PRR29: variants seen among roughly 807,000 people sequenced by gnomAD.
The protein encoded by PRR29 is proline-rich protein 29.
In PRR29, 20 loss-of-function variants were observed where a neutral mutation model predicts 25.1. That is an observed-to-expected ratio of 0.80 (90% CI 0.56 to 1.16). The LOEUF (loss-of-function observed/expected upper bound fraction) is 1.16, where lower values mean the gene tolerates loss of function less well. PRR29 is among the 50% of genes most tolerant of loss of function. The pLI is 0.00. For missense variants in PRR29, 238 were observed against 246.6 expected, an observed-to-expected ratio of 0.97 and a Z score of 0.23; for synonymous variants, 108 against 102.6, an observed-to-expected ratio of 1.05 and a Z score of -0.32.
rs1485772521 is a variant in PRR29, at chr17:64,002,723, T to C, written c.*962T>C. On this transcript the variant is annotated 3_prime_UTR_variant, in exon 6 of 6. Transcript: ENST00000412177. ...CACTGAGTTCCAGTGACCACCGTGG[T>C]GGTGGCCATGCCACTCATGGTTGCT... 1 of 1,602,238 alleles carries C rather than the reference T, an allele frequency of 6.2e-7. No individual in the cohort carries two copies.
At chr17:64,001,342 C>T (rs774313147) in intron 4 of PRR29, 32 bp downstream of exon 4, 56 of 1,524,688 alleles carry the variant, frequency 3.7e-5, no homozygotes, top group African/African-American at 2.2e-4. Context: ...CAGGGTTCTG[C>T]TCTGGGCTGG....
At chr17:63,998,463 G>C (rs1249049263) in intron 1 of PRR29, 39 bp downstream of exon 1, 1 of 1,453,008 alleles carries the variant, frequency 6.9e-7, no homozygotes, top group African/African-American at 1.4e-5. Context: ...GCCTTAGCTT[G>C]GGAGACGGCA....
rs1339686776 is a variant in PRR29, at chr17:63,998,390, G to A, written c.26G>A (p.Trp9Ter). 1 of 1,521,164 alleles carries A rather than the reference G, an allele frequency of 6.6e-7. No individual in the cohort carries two copies. The allele number at this position is 1,521,164 out of a possible 1,614,324, so 94.2% of individuals were successfully genotyped here. The change falls in exon 1 of 6, where the codon TGG becomes TAG. Residue 9 changes from tryptophan to a stop codon, truncating the protein, a stop_gained. Transcript: ENST00000412177. LOFTEE classifies it high-confidence loss of function. MASGAGGS[W>*]GRSPPQSAVP... ...ATGGCCTCTGGGGCGGGCGGAAGCT[G>A]GGGTCGCTCCCCACCGCAGAGCGCA...
rs763674802 is a variant in PRR29 at position 64,001,489 on chromosome 17, C to A, written c.493C>A (p.Pro165Thr). The change falls in exon 5 of 6, where the codon CCC becomes ACC. Residue 165 changes from proline (P) to threonine (T), a missense_variant. Coordinates refer to ENST00000412177, the MANE Select transcript of PRR29 (RefSeq NM_001164257.2). ...REVRAVPPPP[P>T]PSATGTVGAD... ...CAGGAGAGCTGTGCCCCCACCCCCA[C>A]CCCCCAGTGCCACAGGGACTGTGGG... 2.0e-6 allele frequency: 3 copies of A among 1,478,390 alleles called. No homozygotes were observed. The highest frequency in any genetic ancestry group is 1.4e-5 in the African/African-American group (1 of 70,724). 91.6% of individuals were successfully genotyped at this position (1,478,390 alleles called of 1,614,324 possible).
Position 64,001,504 on chromosome 17 carries a change from G to A in PRR29, c.508G>A (p.Gly170Arg). 1 of 1,513,208 alleles carries A rather than the reference G, an allele frequency of 6.6e-7. No individual in the cohort carries two copies. The highest frequency in any genetic ancestry group is 8.8e-7 in the Non-Finnish European group (1 of 1,136,522). The allele number at this position is 1,513,208 out of a possible 1,614,324, so 93.7% of individuals were successfully genotyped here. A position where few individuals can be genotyped will look rare whatever the true frequency, so the allele number is the denominator to read the frequency against. ...CCCACCCCCACCCCCCAGTGCCACA[G>A]GGACTGTGGGTGCTGATGTACCCCC... ...VPPPPPPSAT[G>R]TVGADVPPAS... The change falls in exon 5 of 6, where the codon GGG becomes AGG. Residue 170 changes from glycine (G) to arginine (R), a missense_variant. Physicochemically the swap from Gly to Arg is moderately radical, Grantham distance 125. Transcript: ENST00000412177.
At position 64,001,188 on chromosome 17, in the gene PRR29, G is replaced by A; in HGVS notation, c.348G>A (p.Leu116=). The change falls in exon 4 of 6, where the codon TTG becomes TTA. Residue 116 remains leucine, a synonymous_variant. Coordinates refer to ENST00000412177, the MANE Select transcript of PRR29 (RefSeq NM_001164257.2). ...LVFHHHYLPY[L]MPSPGALLPW... ...TTCACCACCACTACTTGCCCTATTT[G>A]ATGCCCTCCCCGGGTGCCCTGCTGC... 1 of 1,537,452 alleles carries A rather than the reference G, an allele frequency of 6.5e-7. No individual in the cohort carries two copies. Among genetic ancestry groups the A allele is most frequent in the Non-Finnish European group, 8.7e-7 (1 of 1,146,968 alleles).
At position 63,998,801 on chromosome 17, in the gene PRR29, C is replaced by T. The variant is rs1415716464; in HGVS notation, c.136+19C>T. On this transcript the variant is annotated intron_variant, in intron 2 of 5. Coordinates refer to ENST00000412177, the MANE Select transcript of PRR29 (RefSeq NM_001164257.2). ...AAGGAAGGTGAGACTCCCGGGTCCC[C>T]CCACCCCACCCCCACCATCACCACC... 59 of 1,178,976 alleles carry T rather than the reference C, an allele frequency of 5.0e-5. No individual in the cohort carries two copies. Among genetic ancestry groups the T allele is most frequent in the Non-Finnish European group, 6.9e-5 (57 of 822,514 alleles). The allele number at this position is 1,178,976 out of a possible 1,614,324, so 73.0% of individuals were successfully genotyped here. A position where few individuals can be genotyped will look rare whatever the true frequency, so the allele number is the denominator to read the frequency against.
Position 64,002,487 on chromosome 17 carries a change from C to T in PRR29, c.*726C>T, listed in dbSNP as rs187222604. The stretch of plus-strand genomic sequence containing the variant: ...GCCTGTTGCATGGGCTGGGAGGCCC[C>T]TGTGAAGGAGAGGGTGGGGAGGGAG... On this transcript the variant is annotated 3_prime_UTR_variant, in exon 6 of 6. Transcript: ENST00000412177. The T allele has an allele frequency of 5.8e-4, 299 of 516,220 alleles. 2 individuals are homozygous for T. The East Asian group carries it at 8.7e-3, about 15-fold the overall frequency. The allele number at this position is 516,220 out of a possible 1,614,324, so 32.0% of individuals were successfully genotyped here. A position where few individuals can be genotyped will look rare whatever the true frequency, so the allele number is the denominator to read the frequency against.
intron 3 of PRR29, chr17:63,999,406 A>C (rs1042687011): frequency 2.4e-6 from 1 of 416,146 alleles, no homozygotes; most frequent in Non-Finnish European, 4.4e-6. Flanking sequence ...GGTGCCTGAC[A>C]CCGTGTAGGG....
Position 63,998,797 on chromosome 17 carries a change from T to TGCCCCCCCCC in PRR29, c.136+15_136+16insGCCCCCCCCC. On this transcript the variant is annotated intron_variant, in intron 2 of 5. Coordinates refer to ENST00000412177, the MANE Select transcript of PRR29 (RefSeq NM_001164257.2). ...CGTGAAGGAAGGTGAGACTCCCGGGTCCCCCCACCCCACCCCCACCATCAC... is the reference window on the plus strand; with the variant it reads ...CGTGAAGGAAGGTGAGACTCCCGGGTGCCCCCCCCCCCCCCCACCCCACCCCCACCATCAC... 16 of 1,062,588 alleles carry TGCCCCCCCCC rather than the reference T, an allele frequency of 1.5e-5. No homozygotes were observed. The highest frequency in any genetic ancestry group is 1.8e-5 in the Non-Finnish European group (14 of 761,688). 65.8% of individuals were successfully genotyped at this position (1,062,588 alleles called of 1,614,324 possible). A position where few individuals can be genotyped will look rare whatever the true frequency, so the allele number is the denominator to read the frequency against.
chr17:64,001,666 C>G, intron 5 of PRR29, 67 bp from the exon 6 acceptor site: 1 of 1,526,298 alleles, frequency 6.6e-7, no homozygotes, highest in Non-Finnish European at 8.8e-7. Flanking sequence ...GGCCTGTCCC[C>G]TTCCCTTTAC....
Position 63,999,881 on chromosome 17 carries a change from T to C in PRR29, c.243+807T>C, listed in dbSNP as rs145057900. 4.1e-3 allele frequency: 635 copies of C among 153,866 alleles called. 1 individual carries two copies. Among genetic ancestry groups the C allele is most frequent in the Non-Finnish European group, 6.2e-3 (433 of 69,324 alleles). The allele number at this position is 153,866 out of a possible 1,614,324, so 9.5% of individuals were successfully genotyped here. On this transcript the variant is annotated intron_variant, in intron 3 of 5. Transcript: ENST00000412177. ...AAGTGTGTGCGTGCAAGCAAGTGTG[T>C]GCGTGCAAGCAAGTGTGTGCAAGTG...
chr17:64,000,990 C>A, intron 3 of PRR29, 94 bp from the exon 4 acceptor site: 2 of 1,089,362 alleles, frequency 1.8e-6, no homozygotes, highest in South Asian at 1.4e-5. Flanking sequence ...CAAAGCCTAT[C>A]TGGAGGAAAT....
chr17:64,003,561 C>A lies in PRR29; in HGVS notation c.*1800C>A. 7.7e-7 allele frequency: 1 copy of A among 1,306,494 alleles called. No homozygotes were observed. The highest frequency in any genetic ancestry group is 1.1e-6 in the Non-Finnish European group (1 of 926,810). The allele number at this position is 1,306,494 out of a possible 1,614,324, so 80.9% of individuals were successfully genotyped here. ...GGTGGGCTCCTGGGTGTTTGCTTCC[C>A]AAGTGGGACTCAAGATTTTTCTTCC... On this transcript the variant is annotated 3_prime_UTR_variant, in exon 6 of 6. Transcript: ENST00000412177.
chr17:64,001,359 C>T (rs1175690172), intron 4 of PRR29, 49 bp downstream of exon 4: 1 of 1,512,566 alleles, frequency 6.6e-7, no homozygotes, highest in African/African-American at 1.4e-5. Context: ...CTGGAAGTTG[C>T]AGAAGAGCTG....
At position 64,001,248 on chromosome 17, in the gene PRR29, T is replaced by C; in HGVS notation, c.408T>C (p.Cys136=). ...WPAPFFPTPA[C]QPYLQDVPRI... is the part of the protein sequence containing the mutation. ...CCCCCTTCTTCCCCACCCCTGCTTG[T>C]CAGCCCTACTTGCAGGACGTGCCCA... Residue 136 remains cysteine, a synonymous_variant, in exon 4 of 6, where the codon TGT becomes TGC. Transcript: ENST00000412177. 6.5e-7 allele frequency: 1 copy of C among 1,537,290 alleles called. No individual in the cohort carries two copies. The highest frequency in any genetic ancestry group is 2.4e-5 in the East Asian group (1 of 40,910).
rs1911036675 is a variant in PRR29 at position 64,004,129 on chromosome 17, G to C, written c.*2368G>C. On this transcript the variant is annotated 3_prime_UTR_variant, in exon 6 of 6. Coordinates refer to ENST00000412177, the MANE Select transcript of PRR29 (RefSeq NM_001164257.2). ...GAAGAGGGCAGCAGTTGAGGATGGA[G>C]GCTGGACTGTGTGGTAGTTTTACAG... 8.3e-6 allele frequency: 5 copies of C among 599,246 alleles called. No individual in the cohort carries two copies. The East Asian group carries it at 1.1e-4, about 13-fold the overall frequency. 37.1% of individuals were successfully genotyped at this position (599,246 alleles called of 1,614,324 possible). A position where few individuals can be genotyped will look rare whatever the true frequency, so the allele number is the denominator to read the frequency against.
chr17:63,999,909 GGTGTGTGCAAGCGTGT>G (rs1910511109), intron 3 of PRR29: 1 of 153,080 alleles, frequency 6.5e-6, no homozygotes, highest in Non-Finnish European at 1.5e-5. Flanking sequence ...TGCAAGTGGG[GGTGTGTGCAAGCGTGT>G]GTGTGCATGC....
In PRR29 at chr17:64,003,014, AC is replaced by A; in HGVS notation, c.*1258del. 1.7e-6 allele frequency: 2 copies of A among 1,206,356 alleles called. No individual in the cohort carries two copies. The highest frequency in any genetic ancestry group is 2.3e-6 in the Non-Finnish European group (2 of 862,160). 74.7% of individuals were successfully genotyped at this position (1,206,356 alleles called of 1,614,324 possible). Reference sequence around the variant, plus strand: ...GAGTGGAAGTCCACCCCCAACCCAGACCCCCAGACCCCGCCGCCCGCTCATG... The same window carrying A: ...GAGTGGAAGTCCACCCCCAACCCAGACCCCAGACCCCGCCGCCCGCTCATG... On this transcript the variant is annotated 3_prime_UTR_variant, in exon 6 of 6. Transcript: ENST00000412177.
Sources: gnomAD v4.1 joint callset for allele counts on GRCh38, gnomAD v4.1.1 for gene constraint, MANE v1.5 for transcripts, NCBI Gene and HGNC (gene_info 2026-07-23, HGNC 2026-07-21) for gene names.